ADAMTS18: variants seen among roughly 807,000 people sequenced by gnomAD.
ADAMTS18 encodes A disintegrin and metalloproteinase with thrombospondin motifs 18.
In ADAMTS18, 157 loss-of-function variants were observed where a neutral mutation model predicts 165.9. That is an observed-to-expected ratio of 0.95 (90% confidence interval 0.83 to 1.08). ADAMTS18 has a LOEUF of 1.08. ADAMTS18 is among the 50% of genes least tolerant of loss of function. The probability of loss-of-function intolerance (pLI) is 0.00; values close to 1 mark genes in which losing one functional copy is unlikely to be tolerated. For synonymous variants in ADAMTS18, 782 were observed against 578.2 expected (o/e 1.35, Z -5.06); for missense variants, 2,040 against 1,534.0 (o/e 1.33, Z -5.51).
intron 3 of ADAMTS18, among the ~76,000 whole-genome samples, chr16:77,395,769 G>A (rs1408165288): frequency 6.6e-6 from 1 of 152,036 alleles, no homozygotes; most frequent in Non-Finnish European, 1.5e-5. Flanking sequence ...AATAATGAAA[G>A]GATGGAAATA....
At chr16:77,369,457 G>T (rs2056845623) in intron 3 of ADAMTS18, among the ~76,000 whole-genome samples, 1 of 152,122 alleles carries the variant, frequency 6.6e-6, no homozygotes, top group African/African-American at 2.4e-5. Flanking sequence ...ATCTAATTTT[G>T]GATGTAGGTG....
chr16:77,429,745 A>G (rs2057716061), intron 3 of ADAMTS18, among the ~76,000 whole-genome samples: 1 of 152,190 alleles, frequency 6.6e-6, no homozygotes, highest in African/African-American at 2.4e-5. Context: ...TGAAGTCCTG[A>G]GAGTGCTAAA....
chr16:77,317,519 A>G (rs958267522), intron 16 of ADAMTS18, among the ~76,000 whole-genome samples: 2 of 152,154 alleles, frequency 1.3e-5, no homozygotes, highest in African/African-American at 4.8e-5. Context: ...TTTTTAGTAG[A>G]GATGGGGTTC....
chr16:77,319,910 G>C lies in ADAMTS18; in HGVS notation c.2471C>G (p.Ser824Cys). ...GTACAGACGTTCCGGGCGGTTGAAA[G>C]AGCGCTGGTATTCAAACGTGGTCCC... is the stretch of plus-strand genomic sequence containing the variant. Reference protein sequence around the residue: ...FAGTTFEYQRSFNRPERLYAP... With the variant: ...FAGTTFEYQRCFNRPERLYAP... Residue 824 changes from serine to cysteine, a missense_variant, in exon 16 of 23, where the codon TCT becomes TGT. By Grantham distance (112) the Ser-to-Cys change is moderately radical. Coordinates refer to ENST00000282849, the MANE Select transcript of ADAMTS18 (RefSeq NM_199355.4). 1 of 1,614,134 alleles carries C rather than the reference G, an allele frequency of 6.2e-7. No homozygotes were observed. Among genetic ancestry groups the C allele is most frequent in the Non-Finnish European group, 8.5e-7 (1 of 1,179,984 alleles).
At chr16:77,308,005 G>C (rs1343404676) in intron 16 of ADAMTS18, among the ~76,000 whole-genome samples, 2 of 152,042 alleles carry the variant, frequency 1.3e-5, no homozygotes, top group South Asian at 2.1e-4. Context: ...ATTTTCTTTA[G>C]ATGTCTCTTC....
At chr16:77,418,235 A>G (rs1459485596) in intron 3 of ADAMTS18, among the ~76,000 whole-genome samples, 1 of 152,204 alleles carries the variant, frequency 6.6e-6, no homozygotes, top group African/African-American at 2.4e-5. Context: ...TACCTCAAAC[A>G]TAGATTACCT....
intron 16 of ADAMTS18, among the ~76,000 whole-genome samples, chr16:77,307,013 G>C (rs937951504): frequency 1.3e-5 from 2 of 152,184 alleles, no homozygotes; most frequent in Non-Finnish European, 2.9e-5. Context: ...GGCCTCCCTG[G>C]TGTGCTGTGA....
At chr16:77,288,804 A>G (rs1279035034) in intron 22 of ADAMTS18, among the ~76,000 whole-genome samples, 1 of 152,182 alleles carries the variant, frequency 6.6e-6, no homozygotes, top group Non-Finnish European at 1.5e-5. Flanking sequence ...TTCCCTTCAG[A>G]CCCATGCAAA....
At chr16:77,309,308 C>G (rs571376736) in intron 16 of ADAMTS18, among the ~76,000 whole-genome samples, 146 of 151,736 alleles carry the variant, frequency 9.6e-4, no homozygotes, top group African/African-American at 3.4e-3. Flanking sequence ...TATATGTGTA[C>G]GTATTTCAAG....
chr16:77,428,482 C>T (rs768159697), intron 3 of ADAMTS18, among the ~76,000 whole-genome samples: 1 of 152,128 alleles, frequency 6.6e-6, no homozygotes, highest in Admixed American at 6.5e-5. Context: ...TACTACTTCA[C>T]AACTATCAAT....
Position 77,289,349 on chromosome 16 carries a change from C to G in ADAMTS18, c.3465G>C (p.Arg1155=). 6.2e-7 allele frequency: 1 copy of G among 1,614,120 alleles called. No homozygotes were observed. The highest frequency in any genetic ancestry group is 8.5e-7 in the Non-Finnish European group (1 of 1,180,014). The change falls in exon 22 of 23, where the codon CGG becomes CGC. Residue 1155 remains arginine (R), a synonymous_variant. Transcript: ENST00000282849. ...GATGGAGCAGACAACTTGAGGAAGGCCGGCCTTGCTGAACACAGTGGACTG... is the reference window on the plus strand; with the variant it reads ...GATGGAGCAGACAACTTGAGGAAGGGCGGCCTTGCTGAACACAGTGGACTG... ...TRSVHCVQQG[R]PSSSCLLHQK... is the part of the protein sequence containing the mutation.
intron 16 of ADAMTS18, among the ~76,000 whole-genome samples, chr16:77,313,498 AACTT>A (rs2055824034): frequency 6.6e-6 from 1 of 151,966 alleles, no homozygotes. Context: ...AAAAAAAAAA[AACTT>A]AAATTACAAA....
chr16:77,338,430 T>C (rs1597141638), intron 11 of ADAMTS18, among the ~76,000 whole-genome samples: 1 of 151,654 alleles, frequency 6.6e-6, no homozygotes, highest in Non-Finnish European at 1.5e-5. Flanking sequence ...AGAGATGGAA[T>C]TTCACCATGT....
chr16:77,375,835 A>C (rs1191364542), intron 3 of ADAMTS18, among the ~76,000 whole-genome samples: 1 of 152,154 alleles, frequency 6.6e-6, no homozygotes, highest in African/African-American at 2.4e-5. Flanking sequence ...GAAACTTTCA[A>C]AACTTCCAAT....
rs752645544 is a variant in ADAMTS18, at chr16:77,297,297, G to A, written c.2793C>T (p.Cys931=). Residue 931 remains cysteine (C), a synonymous_variant, in exon 18 of 23, where the codon TGC becomes TGT. Coordinates refer to ENST00000282849, the MANE Select transcript of ADAMTS18 (RefSeq NM_199355.4). ...ACTTCCAAATGACTTACTAAGCCGG[G>A]CAGGAGAAAGCGTTGCAGATTTTGG... ...TEPKICNAFS[C]PAYWMPGEWS... The A allele has an allele frequency of 5.6e-6, 9 of 1,614,158 alleles. No homozygotes were observed. Among genetic ancestry groups the A allele is most frequent in the Middle Eastern group, 1.6e-4 (1 of 6,062 alleles).
chr16:77,391,751 T>A (rs1469148516), intron 3 of ADAMTS18, among the ~76,000 whole-genome samples: 1 of 152,110 alleles, frequency 6.6e-6, no homozygotes, highest in Non-Finnish European at 1.5e-5. Flanking sequence ...GATTTCAAGT[T>A]AAACAGAAAG....
intron 22 of ADAMTS18, among the ~76,000 whole-genome samples, chr16:77,284,309 A>G (rs2144543738): frequency 6.6e-6 from 1 of 152,062 alleles, no homozygotes; most frequent in Admixed American, 6.5e-5. Flanking sequence ...TATTTTTAGT[A>G]GAGACGGGGT....
At chr16:77,433,990 T>G (rs529338836) in intron 2 of ADAMTS18, among the ~76,000 whole-genome samples, 2 of 151,614 alleles carry the variant, frequency 1.3e-5, no homozygotes, top group Non-Finnish European at 2.9e-5. Flanking sequence ...GGAACAGAAG[T>G]CGAGAGAAAA....
chr16:77,390,911 C>T (rs1164305182), intron 3 of ADAMTS18, among the ~76,000 whole-genome samples: 1 of 152,118 alleles, frequency 6.6e-6, no homozygotes, highest in Non-Finnish European at 1.5e-5. Context: ...TGGCAGCTAC[C>T]ATACTAAACA....
Sources: gnomAD v4.1 joint callset for allele counts (sites outside exome capture counted in the v4.1 genomes callset) on GRCh38, gnomAD v4.1.1 for gene constraint, MANE v1.5 for transcripts, NCBI Gene and HGNC (gene_info 2026-07-23, HGNC 2026-07-21) for gene names.